The following GRIN1 variants were observed in gnomAD, a reference collection of about 807,000 sequenced individuals.
GRIN1 encodes the protein glutamate ionotropic receptor NMDA type subunit 1, also known as glutamate receptor ionotropic, NMDA 1.
Under a neutral mutation model 103.0 loss-of-function variants are expected in GRIN1, and 38 were observed. That is an observed-to-expected ratio of 0.37 (90% confidence interval 0.28 to 0.48). The LOEUF (loss-of-function observed/expected upper bound fraction) is 0.48. GRIN1 is among the 20% of genes least tolerant of loss of function. The pLI is 0.98. For missense variants in GRIN1, 577 were observed against 1,288.9 expected (o/e 0.45, Z 8.46); for synonymous variants, 544 against 532.7 (o/e 1.02, Z -0.29).
intron 16 of GRIN1, 111 bp from the exon 17 acceptor site, chr9:137,163,448 C>T (rs1253639830): frequency 7.7e-6 from 11 of 1,423,962 alleles, no homozygotes; most frequent in Non-Finnish European, 1.1e-5. Context: ...CGGGCGCTGC[C>T]CACTCCACGC....
Position 137,163,517 on chromosome 9 carries a change from T to C in GRIN1, c.2334-42T>C, listed in dbSNP as rs202187539. The C allele has an allele frequency of 1.2e-4, 153 of 1,229,426 alleles. 1 individual carries two copies. Among genetic ancestry groups the C allele is most frequent in the South Asian group, 4.9e-4 (41 of 83,070 alleles). The allele number at this position is 1,229,426 out of a possible 1,614,324, so 76.2% of individuals were successfully genotyped here. On this transcript the variant is annotated intron_variant, in intron 16 of 19. Coordinates refer to ENST00000371561, the MANE Select transcript of GRIN1 (RefSeq NM_007327.4). ...GCCCCCAGCTTGCTCCTTCCCGTCC[T>C]GGGCCCCGCCTCACTGCAGGCTCAC...
At chr9:137,142,527 ACCCT>A (rs1225146617) in intron 2 of GRIN1, among the ~76,000 whole-genome samples, 2 of 151,936 alleles carry the variant, frequency 1.3e-5, no homozygotes, top group African/African-American at 4.8e-5. Flanking sequence ...TGCTATGCTC[ACCCT>A]CCCCACACAT....
rs766799894 is a variant in GRIN1 at position 137,149,014 on chromosome 9, G to C, written c.576G>C (p.Glu192Asp). 6.2e-7 allele frequency: 1 copy of C among 1,611,052 alleles called. No homozygotes were observed. The highest frequency in any genetic ancestry group is 8.5e-7 in the Non-Finnish European group (1 of 1,177,860). The change falls in exon 4 of 20, where the codon GAG becomes GAC. Residue 192 changes from glutamate (E) to aspartate (D), a missense_variant. Glu to Asp is a conservative substitution (Grantham distance 45, BLOSUM62 2). Coordinates refer to ENST00000371561, the MANE Select transcript of GRIN1 (RefSeq NM_007327.4). The stretch of plus-strand genomic sequence containing the variant: ...CACTCTTGCTCACACCGCAGGCAGA[G>C]AAGGTGCTGCAGTTTGACCCAGGGA... ...TLLEERESKA[E>D]KVLQFDPGTK...
At chr9:137,142,267 G>T in intron 2 of GRIN1, 120 bp downstream of exon 2, 1 of 965,096 alleles carries the variant, frequency 1.0e-6, no homozygotes. Context: ...CAGCCACACA[G>T]CTCCCCCACA....
At chr9:137,141,265 A>C (rs1312130966) in intron 1 of GRIN1, among the ~76,000 whole-genome samples, 1 of 152,110 alleles carries the variant, frequency 6.6e-6, no homozygotes, top group Non-Finnish European at 1.5e-5. Context: ...TTGCTGTGTG[A>C]AGGTGGTGTG....
At chr9:137,158,784 C>T (rs575194540) in intron 8 of GRIN1, 80 bp downstream of exon 8, 15 of 1,062,590 alleles carry the variant, frequency 1.4e-5, no homozygotes, top group East Asian at 7.1e-5. Context: ...GAGGAGGGTG[C>T]GGTGAGGTCA....
At position 137,141,898 on chromosome 9, in the gene GRIN1, C is replaced by T. The variant is rs1832186759; in HGVS notation, c.259-115C>T. 1.1e-5 allele frequency: 12 copies of T among 1,096,838 alleles called. No homozygotes were observed. In the South Asian group the frequency reaches 1.4e-4, roughly 12 times the overall value. 67.9% of individuals were successfully genotyped at this position (1,096,838 alleles called of 1,614,324 possible). The stretch of plus-strand genomic sequence containing the variant: ...GCATGTAGCATGTACCCGAATCATG[C>T]CCCCAGCCCCCCTTAGCCTGCTGGG... On this transcript the variant is annotated intron_variant, in intron 1 of 19. Transcript: ENST00000371561.
At position 137,155,682 on chromosome 9, in the gene GRIN1, C is replaced by A. The variant is rs112116973; in HGVS notation, c.672-987C>A. Among the ~76,000 whole-genome samples, 1,050 of 152,300 alleles carry A rather than the reference C, an allele frequency of 6.9e-3. 7 individuals are homozygous for A. Among genetic ancestry groups the A allele is most frequent in the Non-Finnish European group, 0.011 (730 of 68,022 alleles). On this transcript the variant is annotated intron_variant, in intron 4 of 19. Coordinates refer to ENST00000371561, the MANE Select transcript of GRIN1 (RefSeq NM_007327.4). Reference sequence around the variant, plus strand: ...TCTGACAGACGGGGGTGAGGGAAGACCCCCCAAAGGCCTCCAGAGTCCCAC... The same window carrying A: ...TCTGACAGACGGGGGTGAGGGAAGAACCCCCAAAGGCCTCCAGAGTCCCAC...
chr9:137,159,340 C>CA (rs1341072934), intron 8 of GRIN1, among the ~76,000 whole-genome samples: 1 of 152,232 alleles, frequency 6.6e-6, no homozygotes, highest in African/African-American at 2.4e-5. Flanking sequence ...TCACAGGCGA[C>CA]ACGCCCACCA....
chr9:137,167,289 G>T lies in GRIN1; in HGVS notation c.2701-122G>T, dbSNP rs943069604. 6.5e-6 allele frequency: 5 copies of T among 771,866 alleles called. No individual in the cohort carries two copies. The Admixed American group carries it at 1.0e-4, about 16-fold the overall frequency. The allele number at this position is 771,866 out of a possible 1,614,324, so 47.8% of individuals were successfully genotyped here. ...TGGGTAGGGTGGGGTCAGTCCGGCT[G>T]CGGAGATCCCCTGCCCCTGTCCTGT... On this transcript the variant is annotated intron_variant, in intron 19 of 19. Coordinates refer to ENST00000371561, the MANE Select transcript of GRIN1 (RefSeq NM_007327.4).
In GRIN1 at chr9:137,167,488, G is replaced by A; in HGVS notation, c.2778G>A (p.Glu926=). ...CGCGACGCGCTATTGAGAGGGAGGAGGGCCAGCTGCAGCTGTGTTCCCGTC... is the reference window on the plus strand; with the variant it reads ...CGCGACGCGCTATTGAGAGGGAGGAAGGCCAGCTGCAGCTGTGTTCCCGTC... The part of the protein sequence containing the change: ...VLPRRAIERE[E]GQLQLCSRHR... Residue 926 remains glutamate, a synonymous_variant, in exon 20 of 20, where the codon GAG becomes GAA. Coordinates refer to ENST00000371561, the MANE Select transcript of GRIN1 (RefSeq NM_007327.4). 6 of 1,558,792 alleles carry A rather than the reference G, an allele frequency of 3.8e-6. No individual in the cohort carries two copies. Among genetic ancestry groups the A allele is most frequent in the Non-Finnish European group, 5.2e-6 (6 of 1,151,346 alleles).
chr9:137,146,041 C>T lies in GRIN1; in HGVS notation c.570+139C>T. The T allele has an allele frequency of 1.5e-6, 1 of 648,906 alleles. No individual in the cohort carries two copies. The highest frequency in any genetic ancestry group is 2.7e-6 in the Non-Finnish European group (1 of 370,150). 40.2% of individuals were successfully genotyped at this position (648,906 alleles called of 1,614,324 possible). On this transcript the variant is annotated intron_variant, in intron 3 of 19. Transcript: ENST00000371561. The surrounding 1 kb of genome is among the most constrained non-coding windows in gnomAD (Gnocchi z 6.7). ...ACCACCACGTCTGGCGAGCGCCCGC[C>T]CCAGCCTGTCCTCGGCTCATTTCAC... is the stretch of plus-strand genomic sequence containing the variant.
At chr9:137,160,532 C>A (rs1381360021) in intron 8 of GRIN1, among the ~76,000 whole-genome samples, 1 of 152,186 alleles carries the variant, frequency 6.6e-6, no homozygotes, top group Non-Finnish European at 1.5e-5. Flanking sequence ...CGGGTTCACG[C>A]CATTCTCCTG....
In GRIN1 at chr9:137,145,748, G is replaced by C. The variant is rs747555101; in HGVS notation, c.416G>C (p.Arg139Pro). The C allele has an allele frequency of 1.9e-6, 3 of 1,613,202 alleles. No homozygotes were observed. In the Admixed American group the frequency reaches 5.0e-5, roughly 27 times the overall value. Residue 139 changes from arginine to proline, a missense_variant, in exon 3 of 20, where the codon CGC (arginine) becomes CCC (proline). Transcript: ENST00000371561. ...SDKSIHLSFL[R>P]TVPPYSHQSS... ...CAGAGCATCCACCTGAGCTTCCTGC[G>C]CACCGTGCCGCCCTACTCCCACCAG... is the stretch of plus-strand genomic sequence containing the variant.
At chr9:137,147,696 G>T (rs548021922) in intron 3 of GRIN1, among the ~76,000 whole-genome samples, 1 of 152,228 alleles carries the variant, frequency 6.6e-6, no homozygotes, top group Non-Finnish European at 1.5e-5. Flanking sequence ...AGGATACCTC[G>T]GTCTCTTGAG....
chr9:137,149,107 C>G lies in GRIN1; in HGVS notation c.669C>G (p.Ala223=), dbSNP rs766714775. 9 of 1,600,896 alleles carry G rather than the reference C, an allele frequency of 5.6e-6. No homozygotes were observed. The Admixed American group carries it at 1.5e-4, about 27-fold the overall frequency. ...AGGCCCGGGTCATCATCCTTTCTGC[C>G]AGGTGAGGCTGGGCAGGGCCCTACA... is the stretch of plus-strand genomic sequence containing the variant. ...ELEARVIILS[A]SEDDAATVYR... Residue 223 remains alanine (A), a splice_region_variant and synonymous_variant, in exon 4 of 20, where the codon GCC becomes GCG. Transcript: ENST00000371561.
At chr9:137,148,885 C>T (rs1394475558) in intron 3 of GRIN1, 124 bp from the exon 4 acceptor site, 9 of 738,060 alleles carry the variant, frequency 1.2e-5, no homozygotes, top group Middle Eastern at 3.4e-4. Flanking sequence ...AGGTGGCAGG[C>T]GCAGACCATG....
At chr9:137,144,493 A>AAT (rs1425167616) in intron 2 of GRIN1, among the ~76,000 whole-genome samples, 3 of 151,984 alleles carry the variant, frequency 2.0e-5, no homozygotes, top group Non-Finnish European at 4.4e-5. Flanking sequence ...TCTCCACTAA[A>AAT]AATACAAAAA....
Position 137,161,129 on chromosome 9 carries a change from T to A in GRIN1, c.1271T>A (p.Phe424Tyr). 1 of 1,612,628 alleles carries A rather than the reference T, an allele frequency of 6.2e-7. No individual in the cohort carries two copies. The highest frequency in any genetic ancestry group is 8.5e-7 in the Non-Finnish European group (1 of 1,179,860). ...AGTGATGGGACATGCAAGGAGGAGT[T>A]CACAGTCAACGGCGACCCAGTCAAG... ...TLSDGTCKEE[F>Y]TVNGDPVKKV... Residue 424 changes from phenylalanine (F) to tyrosine (Y), a missense_variant, in exon 9 of 20, where the codon TTC becomes TAC. By Grantham distance (22) the Phe-to-Tyr change is conservative (BLOSUM62 3). This residue lies in a region of GRIN1 where 96 missense variants were observed against 145.0 expected (regional missense o/e 0.66). Transcript: ENST00000371561.
Sources: gnomAD v4.1 joint callset for allele counts (sites outside exome capture counted in the v4.1 genomes callset) on GRCh38, gnomAD v4.1.1 for gene constraint, gnomAD v4.1.1 regional missense constraint, Gnocchi (gnomAD v3.1) non-coding constraint, MANE v1.5 for transcripts, NCBI Gene and HGNC (gene_info 2026-07-23, HGNC 2026-07-21) for gene names.